The following RPS6KC1 variants were observed in gnomAD, a reference collection of about 807,000 sequenced individuals.
The protein encoded by RPS6KC1 is inactive ribosomal protein S6 kinase delta-1.
Under a neutral mutation model 103.8 loss-of-function variants are expected in RPS6KC1, and 54 were observed. The ratio of observed to expected loss-of-function variants is 0.52; its 90% CI spans 0.42 to 0.65. The LOEUF (loss-of-function observed/expected upper bound fraction) is 0.65. Ranked by LOEUF, RPS6KC1 falls within the 30% of genes least tolerant of loss-of-function variation. RPS6KC1 has a pLI of 0.00. For synonymous variants in RPS6KC1, 439 were observed against 438.7 expected (o/e 1.00, Z -0.01); for missense variants, 1,151 against 1,253.8 (o/e 0.92, Z 1.24).
At chr1:213,718,583 G>A in the RPS6KC1 span, among the ~76,000 whole-genome samples, 3 of 152,218 alleles carry the variant, frequency 2.0e-5, no homozygotes, top group South Asian at 2.1e-4. Context: ...GACACTGGTC[G>A]TTGGGAGGCA....
the RPS6KC1 span, among the ~76,000 whole-genome samples, chr1:213,748,729 A>G: frequency 1.3e-5 from 2 of 152,226 alleles, no homozygotes; most frequent in African/African-American, 4.8e-5. Context: ...CTGTTTTTCT[A>G]ATAACATCAT....
chr1:213,744,065 G>T, the RPS6KC1 span, among the ~76,000 whole-genome samples: 1 of 152,090 alleles, frequency 6.6e-6, no homozygotes, highest in East Asian at 1.9e-4. Context: ...ACTTATAAGT[G>T]GGAGTTAAGC....
At chr1:213,829,301 G>A in the RPS6KC1 span, among the ~76,000 whole-genome samples, 1 of 148,654 alleles carries the variant, frequency 6.7e-6, no homozygotes, top group Non-Finnish European at 1.5e-5. Context: ...ACCTCTTGCT[G>A]GTGATTAGTT....
chr1:213,079,918 C>CTTTTTTTTT (rs550713502), intron 3 of RPS6KC1, among the ~76,000 whole-genome samples: 9 of 130,172 alleles, frequency 6.9e-5, no homozygotes, highest in African/African-American at 1.7e-4. Flanking sequence ...TTCTTTTTTT[C>CTTTTTTTTT]TTTTTTTTTT....
the RPS6KC1 span, chr1:213,840,490 G>A: frequency 1.3e-5 from 2 of 152,104 alleles, no homozygotes; most frequent in Non-Finnish European, 2.9e-5. Context: ...ACCAGAAAAG[G>A]CATCCACATG....
chr1:213,821,102 C>A, the RPS6KC1 span: 1 of 152,344 alleles, frequency 6.6e-6, no homozygotes, highest in Non-Finnish European at 1.5e-5. Flanking sequence ...CGGGTCAGTC[C>A]TGCTCTCGCT....
chr1:213,473,795 C>T, the RPS6KC1 span, among the ~76,000 whole-genome samples: 1 of 152,152 alleles, frequency 6.6e-6, no homozygotes, highest in African/African-American at 2.4e-5. Context: ...ACTCAGTATC[C>T]CCAAACCACT....
At chr1:213,080,385 A>T (rs966801895) in intron 3 of RPS6KC1, among the ~76,000 whole-genome samples, 1 of 152,130 alleles carries the variant, frequency 6.6e-6, no homozygotes, top group Non-Finnish European at 1.5e-5. Context: ...TTTGTCTAAG[A>T]TGATTCTAAT....
At chr1:213,224,531 A>C (rs1179769878) in intron 8 of RPS6KC1, among the ~76,000 whole-genome samples, 1 of 152,238 alleles carries the variant, frequency 6.6e-6, no homozygotes, top group African/African-American at 2.4e-5. Context: ...AAGGTATGCT[A>C]TCCAAGGTAA....
the RPS6KC1 span, among the ~76,000 whole-genome samples, chr1:213,348,747 C>T: frequency 1.4e-4 from 21 of 152,276 alleles, no homozygotes; most frequent in Non-Finnish European, 2.2e-4. Context: ...CAAGCTGCTC[C>T]GTATTCTCCT....
the RPS6KC1 span, among the ~76,000 whole-genome samples, chr1:213,694,864 G>A: frequency 6.6e-6 from 1 of 152,178 alleles, no homozygotes; most frequent in Non-Finnish European, 1.5e-5. Flanking sequence ...CTGCATTTCA[G>A]GTATGAGGGA....
At chr1:213,445,255 T>C in the RPS6KC1 span, among the ~76,000 whole-genome samples, 3 of 152,190 alleles carry the variant, frequency 2.0e-5, no homozygotes, top group African/African-American at 4.8e-5. Context: ...CATCAGTTAG[T>C]GGATGTTAAG....
intron 6 of RPS6KC1, among the ~76,000 whole-genome samples, chr1:213,166,501 G>A (rs2090975863): frequency 2.0e-5 from 3 of 152,126 alleles, no homozygotes; most frequent in African/African-American, 4.8e-5. Context: ...CCTTTAGGAC[G>A]TAAGCAGATT....
the RPS6KC1 span, among the ~76,000 whole-genome samples, chr1:213,461,182 A>T: frequency 6.6e-6 from 1 of 152,224 alleles, no homozygotes; most frequent in Admixed American, 6.6e-5. Context: ...CCCATTCACA[A>T]TTGCTACAAA....
chr1:213,813,138 C>A, the RPS6KC1 span, among the ~76,000 whole-genome samples: 275 of 152,096 alleles, frequency 1.8e-3, no homozygotes, highest in Middle Eastern at 0.017. Context: ...GTAGTCCCAG[C>A]TACTTGGGAG....
chr1:213,605,090 A>G, the RPS6KC1 span, among the ~76,000 whole-genome samples: 4 of 151,994 alleles, frequency 2.6e-5, no homozygotes, highest in African/African-American at 9.7e-5. Flanking sequence ...GAAGTTCTCA[A>G]ACTTTCTCTG....
At chr1:213,423,792 C>T in the RPS6KC1 span, among the ~76,000 whole-genome samples, 1 of 145,580 alleles carries the variant, frequency 6.9e-6, no homozygotes. Flanking sequence ...AAGGCAGGCC[C>T]AGAGGGGAGG....
At chr1:213,453,292 G>A in the RPS6KC1 span, among the ~76,000 whole-genome samples, 2 of 152,132 alleles carry the variant, frequency 1.3e-5, no homozygotes, top group African/African-American at 4.8e-5. Flanking sequence ...TCATCATGGA[G>A]CCGATGGAGC....
At chr1:213,519,273 A>G in the RPS6KC1 span, among the ~76,000 whole-genome samples, 2 of 151,498 alleles carry the variant, frequency 1.3e-5, no homozygotes, top group Non-Finnish European at 2.9e-5. Context: ...TAGTTCAAAT[A>G]TACACAAAGA....
Sources: allele counts gnomAD v4.1 joint callset (sites outside exome capture counted in the v4.1 genomes callset), GRCh38; gene constraint gnomAD v4.1.1; transcripts MANE v1.5; gene names NCBI Gene and HGNC (gene_info 2026-07-23, HGNC 2026-07-21).